TSHZ2: variants seen among roughly 807,000 people sequenced by gnomAD.
TSHZ2 encodes teashirt homolog 2.
In TSHZ2, 21 loss-of-function variants were observed where a neutral mutation model predicts 74.4. That is an observed-to-expected ratio of 0.28 (90% CI 0.20 to 0.41). The LOEUF (loss-of-function observed/expected upper bound fraction) is 0.41, where lower values mean the gene tolerates loss of function less well. TSHZ2 is among the 10% of genes least tolerant of loss of function. The probability of loss-of-function intolerance (pLI) is 1.00; values close to 1 mark genes in which losing one functional copy is unlikely to be tolerated. For missense variants in TSHZ2, 1,244 were observed against 1,293.5 expected (o/e 0.96, Z 0.59); for synonymous variants, 540 against 515.3 (o/e 1.05, Z -0.65).
Position 53,197,015 on chromosome 20 carries a change from C to A in TSHZ2, c.41-56484C>A, listed in dbSNP as rs1258458130. Among the ~76,000 whole-genome samples the A allele has an allele frequency of 5.3e-5, 8 of 152,244 alleles. No homozygotes were observed. The East Asian group carries it at 1.5e-3, about 29-fold the overall frequency. On this transcript the variant is annotated intron_variant, in intron 1 of 2. Coordinates refer to ENST00000371497, the MANE Select transcript of TSHZ2 (RefSeq NM_173485.6). ...AACACAGAAGTTGCCTTCCTCCTTC[C>A]TACCTTCTCTCTCCATAATCGGTAA...
At chr20:53,309,663 A>G (rs2100188774) in intron 2 of TSHZ2, among the ~76,000 whole-genome samples, 1 of 152,182 alleles carries the variant, frequency 6.6e-6, no homozygotes, top group South Asian at 2.1e-4. Context: ...TGATATCACC[A>G]TATTAATATT....
At chr20:53,188,944 C>G (rs1041354574) in intron 1 of TSHZ2, among the ~76,000 whole-genome samples, 5 of 151,968 alleles carry the variant, frequency 3.3e-5, no homozygotes, top group African/African-American at 1.2e-4. Context: ...TATGATTATC[C>G]CCATTTTTCA....
At chr20:53,307,783 A>G (rs1276700607) in intron 2 of TSHZ2, among the ~76,000 whole-genome samples, 1 of 152,190 alleles carries the variant, frequency 6.6e-6, no homozygotes, top group Admixed American at 6.5e-5. Flanking sequence ...ATGGCCACGG[A>G]TATGGTTTTA....
At chr20:53,212,276 T>C (rs1352388317) in intron 1 of TSHZ2, among the ~76,000 whole-genome samples, 2 of 152,236 alleles carry the variant, frequency 1.3e-5, no homozygotes, top group Non-Finnish European at 2.9e-5. Flanking sequence ...TGCGGATATT[T>C]GAGCTATTTC....
chr20:53,159,792 G>A (rs1987884952), intron 1 of TSHZ2, among the ~76,000 whole-genome samples: 1 of 151,858 alleles, frequency 6.6e-6, no homozygotes, highest in African/African-American at 2.4e-5. Flanking sequence ...TCATTCATTT[G>A]ACAAATATTT....
intron 1 of TSHZ2, among the ~76,000 whole-genome samples, chr20:53,251,179 T>C (rs142498475): frequency 6.6e-6 from 1 of 152,310 alleles, no homozygotes; most frequent in East Asian, 1.9e-4. Context: ...ACAGGTGTTG[T>C]CACATGTCTT....
intron 2 of TSHZ2, among the ~76,000 whole-genome samples, chr20:53,418,132 A>C (rs1983338326): frequency 6.6e-6 from 1 of 152,210 alleles, no homozygotes; most frequent in African/African-American, 2.4e-5. Context: ...ATTTAAGCAG[A>C]GGTCTATATG....
intron 2 of TSHZ2, among the ~76,000 whole-genome samples, chr20:53,360,285 T>C (rs1981001238): frequency 6.6e-6 from 1 of 152,262 alleles, no homozygotes; most frequent in African/African-American, 2.4e-5. Flanking sequence ...TGCACACTTA[T>C]GGTTACACAT....
At chr20:53,032,462 C>G (rs76438224) in intron 1 of TSHZ2, among the ~76,000 whole-genome samples, 1 of 152,156 alleles carries the variant, frequency 6.6e-6, no homozygotes, top group African/African-American at 2.4e-5. Context: ...GGGACATAAA[C>G]TCTTGATTGA....
rs1985730170 is a variant in TSHZ2 at position 53,469,785 on chromosome 20, G to A, written c.*9-17359G>A. Among the ~76,000 whole-genome samples, 3 of 134,772 alleles carry A rather than the reference G, an allele frequency of 2.2e-5. 1 individual carries two copies. Among genetic ancestry groups the A allele is most frequent in the Non-Finnish European group, 4.9e-5 (3 of 61,806 alleles). The allele number at this position is 134,772 out of a possible 152,430, so 88.4% of individuals were successfully genotyped here. A position where few individuals can be genotyped will look rare whatever the true frequency, so the allele number is the denominator to read the frequency against. ...GAGAGGGAGGAAGGGAGGGAGGGAG[G>A]GAGGAAGGAAGGAAGGAAGGACCCA... On this transcript the variant is annotated intron_variant, in intron 2 of 2. Coordinates refer to ENST00000371497, the MANE Select transcript of TSHZ2 (RefSeq NM_173485.6).
chr20:53,022,783 C>T (rs966059474), intron 1 of TSHZ2, among the ~76,000 whole-genome samples: 13 of 152,132 alleles, frequency 8.5e-5, no homozygotes, highest in African/African-American at 2.7e-4. Flanking sequence ...ATTCACAGAA[C>T]ATATGTGGTT....
intron 1 of TSHZ2, among the ~76,000 whole-genome samples, chr20:53,163,349 G>T (rs1045364294): frequency 1.6e-5 from 2 of 128,012 alleles, no homozygotes; most frequent in Non-Finnish European, 3.2e-5. Context: ...GTGCACGCAC[G>T]CTCTCTGTCT....
At chr20:53,186,227 T>C (rs914635513) in intron 1 of TSHZ2, among the ~76,000 whole-genome samples, 1 of 152,190 alleles carries the variant, frequency 6.6e-6, no homozygotes, top group African/African-American at 2.4e-5. Flanking sequence ...CAATTGTCCA[T>C]AGCAGGAATA....
At chr20:53,284,874 T>G (rs1246299567) in intron 2 of TSHZ2, among the ~76,000 whole-genome samples, 1 of 152,210 alleles carries the variant, frequency 6.6e-6, no homozygotes, top group Non-Finnish European at 1.5e-5. Flanking sequence ...CTTAATGCAC[T>G]GGCCTTTCAT....
chr20:53,014,625 C>T (rs923206335), intron 1 of TSHZ2, among the ~76,000 whole-genome samples: 1 of 152,086 alleles, frequency 6.6e-6, no homozygotes, highest in African/African-American at 2.4e-5. Flanking sequence ...ATTTTCTCCT[C>T]CTTCAAGAAC....
chr20:53,223,659 G>A (rs1989614727), intron 1 of TSHZ2, among the ~76,000 whole-genome samples: 1 of 152,068 alleles, frequency 6.6e-6, no homozygotes, highest in African/African-American at 2.4e-5. Flanking sequence ...GCCTTCCAAA[G>A]TGCCGGGATT....
chr20:53,278,590 C>T (rs1359753409), intron 2 of TSHZ2, among the ~76,000 whole-genome samples: 1 of 152,190 alleles, frequency 6.6e-6, no homozygotes, highest in Non-Finnish European at 1.5e-5. Context: ...TAATTCACAG[C>T]TCATATCACA....
At chr20:53,346,374 G>C (rs1287670100) in intron 2 of TSHZ2, among the ~76,000 whole-genome samples, 1 of 152,178 alleles carries the variant, frequency 6.6e-6, no homozygotes, top group Admixed American at 6.5e-5. Flanking sequence ...CAGAAAATAG[G>C]AAGGGAACGG....
At chr20:52,989,851 A>C (rs1293146424) in intron 1 of TSHZ2, among the ~76,000 whole-genome samples, 1 of 151,924 alleles carries the variant, frequency 6.6e-6, no homozygotes, top group East Asian at 1.9e-4. Flanking sequence ...TATATTTTGT[A>C]ATTTTTTTTC....
Sources: allele counts gnomAD v4.1 joint callset (sites outside exome capture counted in the v4.1 genomes callset), GRCh38; gene constraint gnomAD v4.1.1; transcripts MANE v1.5; gene names NCBI Gene and HGNC (gene_info 2026-07-23, HGNC 2026-07-21).